The following KIF26B variants were observed in gnomAD, a reference collection of about 807,000 sequenced individuals.
KIF26B encodes the protein kinesin family member 26B, also known as kinesin-like protein KIF26B.
A neutral mutation model predicts 151.2 loss-of-function variants in KIF26B; 63 were observed. The ratio of observed to expected loss-of-function variants is 0.42; its 90% CI spans 0.34 to 0.51. KIF26B has a LOEUF of 0.51. Ranked by LOEUF, KIF26B falls within the 20% of genes least tolerant of loss-of-function variation. The pLI is 0.07. For synonymous variants in KIF26B, 1,357 were observed against 1,262.1 expected (o/e 1.08, Z -1.59); for missense variants, 2,813 against 2,913.6 (o/e 0.97, Z 0.79).
At chr1:245,203,685 G>A (rs1414996969) in intron 2 of KIF26B, among the ~76,000 whole-genome samples, 2 of 152,140 alleles carry the variant, frequency 1.3e-5, no homozygotes, top group African/African-American at 2.4e-5. Flanking sequence ...TGCAGTTTTT[G>A]ATGCGCTTCC....
chr1:245,435,484 C>T (rs1658896080), intron 4 of KIF26B, among the ~76,000 whole-genome samples: 1 of 152,236 alleles, frequency 6.6e-6, no homozygotes, highest in Non-Finnish European at 1.5e-5. Flanking sequence ...CATTGCCTGT[C>T]TCCCTTCCTA....
intron 2 of KIF26B, among the ~76,000 whole-genome samples, chr1:245,322,371 G>C (rs1671907297): frequency 6.6e-6 from 1 of 152,110 alleles, no homozygotes; most frequent in Non-Finnish European, 1.5e-5. Flanking sequence ...ACATGTATCT[G>C]AGAACTTACA....
At chr1:245,519,626 T>G (rs1661044561) in intron 4 of KIF26B, among the ~76,000 whole-genome samples, 1 of 151,942 alleles carries the variant, frequency 6.6e-6, no homozygotes, top group Non-Finnish European at 1.5e-5. Context: ...TTCTGAGAAA[T>G]GAATCATTAG....
chr1:245,586,757 G>A (rs1486556103), intron 5 of KIF26B, among the ~76,000 whole-genome samples: 2 of 151,610 alleles, frequency 1.3e-5, no homozygotes, highest in Non-Finnish European at 1.5e-5. Context: ...GCGGTGGCGG[G>A]CGCCTGTAGT....
chr1:245,577,474 A>G (rs941689757), intron 5 of KIF26B, among the ~76,000 whole-genome samples: 3 of 152,232 alleles, frequency 2.0e-5, no homozygotes, highest in African/African-American at 7.2e-5. Context: ...CTCCAGGGAG[A>G]GAAGAGGGTT....
chr1:245,437,174 A>G (rs1053534359), intron 4 of KIF26B, among the ~76,000 whole-genome samples: 3 of 152,168 alleles, frequency 2.0e-5, no homozygotes, highest in African/African-American at 4.8e-5. Flanking sequence ...GGCATGAGCC[A>G]CCGCACCTGG....
At chr1:245,196,569 G>T (rs1262036000) in intron 2 of KIF26B, among the ~76,000 whole-genome samples, 1 of 152,158 alleles carries the variant, frequency 6.6e-6, no homozygotes, top group Non-Finnish European at 1.5e-5. Context: ...TAGACCTGGG[G>T]TGGGCCTCAG....
intron 4 of KIF26B, among the ~76,000 whole-genome samples, chr1:245,501,232 GC>G (rs1660613652): frequency 6.6e-6 from 1 of 152,210 alleles, no homozygotes; most frequent in Non-Finnish European, 1.5e-5. Flanking sequence ...CCACTTACGA[GC>G]TATGTGACCT....
At chr1:245,289,168 CTGAT>C (rs1671213685) in intron 2 of KIF26B, among the ~76,000 whole-genome samples, 1 of 152,146 alleles carries the variant, frequency 6.6e-6, no homozygotes, top group African/African-American at 2.4e-5. Flanking sequence ...TTCACCAGAG[CTGAT>C]TGATCAACTC....
chr1:245,195,367 C>G (rs1050115848), intron 2 of KIF26B, among the ~76,000 whole-genome samples: 2 of 152,136 alleles, frequency 1.3e-5, no homozygotes, highest in African/African-American at 4.8e-5. Context: ...CGCCTCAGTT[C>G]CACCGTCATT....
At chr1:245,689,194 G>A (rs990329206) in intron 12 of KIF26B, among the ~76,000 whole-genome samples, 1 of 152,236 alleles carries the variant, frequency 6.6e-6, no homozygotes, top group Non-Finnish European at 1.5e-5. Context: ...CGCTCTGGGG[G>A]CAGCCTGGCT....
chr1:245,407,835 A>G (rs1051289611), intron 3 of KIF26B, among the ~76,000 whole-genome samples: 5 of 152,270 alleles, frequency 3.3e-5, no homozygotes, highest in Middle Eastern at 6.8e-3. Flanking sequence ...AAGGTTGACT[A>G]TTTACTTGGG....
intron 2 of KIF26B, among the ~76,000 whole-genome samples, chr1:245,193,339 A>C (rs1669141450): frequency 6.6e-6 from 1 of 152,182 alleles, no homozygotes; most frequent in Non-Finnish European, 1.5e-5. Context: ...TGCAGTGAAC[A>C]TACGTGTGCA....
intron 2 of KIF26B, among the ~76,000 whole-genome samples, chr1:245,274,873 G>T (rs1338401168): frequency 6.6e-6 from 1 of 152,018 alleles, no homozygotes; most frequent in African/African-American, 2.4e-5. Context: ...TGATATTTCT[G>T]GTTCTAGATC....
At chr1:245,190,914 G>A (rs1186276211) in intron 2 of KIF26B, among the ~76,000 whole-genome samples, 3 of 151,248 alleles carry the variant, frequency 2.0e-5, no homozygotes, top group South Asian at 2.1e-4. Flanking sequence ...ACAAAAATTA[G>A]CCGGTGTGGT....
chr1:245,348,776 C>T (rs1377643759), intron 2 of KIF26B, among the ~76,000 whole-genome samples: 1 of 152,168 alleles, frequency 6.6e-6, no homozygotes, highest in South Asian at 2.1e-4. Flanking sequence ...ACTCCAGCCA[C>T]GCCGGCCTCT....
intron 5 of KIF26B, among the ~76,000 whole-genome samples, chr1:245,591,218 T>C (rs1448293170): frequency 3.3e-5 from 5 of 152,218 alleles, no homozygotes; most frequent in Non-Finnish European, 7.3e-5. Context: ...ATTTTACTAA[T>C]GAGGAAACTA....
rs115318695 is a variant in KIF26B, at chr1:245,598,498, G to A, written c.1351-4079G>A. Among the ~76,000 whole-genome samples the A allele has an allele frequency of 5.1e-3, 783 of 152,268 alleles. 9 individuals carry two copies. Among genetic ancestry groups the A allele is most frequent in the African/African-American group, 0.018 (757 of 41,544 alleles). ...TCCTACATGTGCACCATGTGGCTACGCTCCGTGACGAGGGAAAAACAGGAA... is the reference window on the plus strand; with the variant it reads ...TCCTACATGTGCACCATGTGGCTACACTCCGTGACGAGGGAAAAACAGGAA... On this transcript the variant is annotated intron_variant, in intron 5 of 14. Transcript: ENST00000407071.
chr1:245,688,451 T>C lies in KIF26B; in HGVS notation c.5468T>C (p.Leu1823Pro), dbSNP rs2044569889. Residue 1823 changes from leucine to proline, a missense_variant, in exon 12 of 15, where the codon CTG (leucine) becomes CCG (proline). Transcript: ENST00000407071. ...GGCGCGGGCGCCCGGGGCTTGCAGC[T>C]GCGGGCCGGGCCCGAGGCGGAGGCG... ...QGGAGARGLQ[L>P]RAGPEAEARG... 1.5e-6 allele frequency: 2 copies of C among 1,363,288 alleles called. No homozygotes were observed. The highest frequency in any genetic ancestry group is 9.4e-7 in the Non-Finnish European group (1 of 1,067,632). 84.4% of individuals were successfully genotyped at this position (1,363,288 alleles called of 1,614,324 possible). A position where few individuals can be genotyped will look rare whatever the true frequency, so the allele number is the denominator to read the frequency against.
Sources: allele counts gnomAD v4.1 joint callset (sites outside exome capture counted in the v4.1 genomes callset), GRCh38; gene constraint gnomAD v4.1.1; transcripts MANE v1.5; gene names NCBI Gene and HGNC (gene_info 2026-07-23, HGNC 2026-07-21).